Variants in ATG13 observed in about 807,000 individuals in gnomAD.
ATG13 encodes the protein autophagy related 13, also known as autophagy-related protein 13.
A neutral mutation model predicts 65.5 loss-of-function variants in ATG13; 23 were observed. The ratio of observed to expected loss-of-function variants is 0.35; its 90% CI spans 0.25 to 0.50. ATG13 has a LOEUF of 0.50. ATG13 is among the 20% of genes least tolerant of loss of function. The pLI, the probability that ATG13 is intolerant of heterozygous loss-of-function variation, is 0.98. For missense variants in ATG13, 566 were observed against 677.0 expected (o/e 0.84, Z 1.82); for synonymous variants, 252 against 245.2 (o/e 1.03, Z -0.26).
chr11:46,672,705 C>T lies in ATG13; in HGVS notation c.*373C>T, dbSNP rs987452747. The T allele has an allele frequency of 3.7e-6, 5 of 1,362,552 alleles. No individual in the cohort carries two copies. The highest frequency in any genetic ancestry group is 2.5e-4 in the Middle Eastern group (1 of 4,062). 84.4% of individuals were successfully genotyped at this position (1,362,552 alleles called of 1,614,324 possible). ...TGCCTTGCAGCTGGCCCCTTCCCTG[C>T]CTGCTGTCACCATCCACTGTTTGAC... On this transcript the variant is annotated 3_prime_UTR_variant, in exon 19 of 19. Transcript: ENST00000683050.
intron 7 of ATG13, among the ~76,000 whole-genome samples, chr11:46,654,652 G>A (rs1398032800): frequency 6.6e-6 from 1 of 151,898 alleles, no homozygotes; most frequent in African/African-American, 2.4e-5. Flanking sequence ...AGCCCAGGAG[G>A]TTGAGGCTGC....
chr11:46,668,976 C>A, intron 17 of ATG13, 66 bp downstream of exon 17: 2 of 1,271,360 alleles, frequency 1.6e-6, no homozygotes, highest in Non-Finnish European at 2.3e-6. Context: ...GCATCTACTG[C>A]ACTTGATCCA....
chr11:46,668,241 T>A (rs1230827920), intron 15 of ATG13, among the ~76,000 whole-genome samples: 1 of 152,190 alleles, frequency 6.6e-6, no homozygotes, highest in Non-Finnish European at 1.5e-5. Flanking sequence ...ATTACTGCAT[T>A]ACTGTGGATC....
intron 18 of ATG13, among the ~76,000 whole-genome samples, chr11:46,671,808 A>T (rs2063793118): frequency 6.6e-6 from 1 of 152,222 alleles, no homozygotes; most frequent in African/African-American, 2.4e-5. Context: ...TCAGAATGTC[A>T]GTAGTATAGT....
In ATG13 at chr11:46,664,768, G is replaced by A. The variant is rs967267114; in HGVS notation, c.889-81G>A. ...GAGCCATTCCTTATCTCTCTACTGAGCCATCTTGTTTGTCACGCTCTGGGA... is the reference window on the plus strand; with the variant it reads ...GAGCCATTCCTTATCTCTCTACTGAACCATCTTGTTTGTCACGCTCTGGGA... On this transcript the variant is annotated intron_variant, in intron 12 of 18. Transcript: ENST00000683050. 2.2e-5 allele frequency: 28 copies of A among 1,274,962 alleles called. No individual in the cohort carries two copies. In the African/African-American group the frequency reaches 4.1e-4, roughly 19 times the overall value. The allele number at this position is 1,274,962 out of a possible 1,614,324, so 79.0% of individuals were successfully genotyped here. A position where few individuals can be genotyped will look rare whatever the true frequency, so the allele number is the denominator to read the frequency against.
At chr11:46,647,646 A>G (rs1040038331) in intron 5 of ATG13, among the ~76,000 whole-genome samples, 2 of 150,746 alleles carry the variant, frequency 1.3e-5, no homozygotes, top group Admixed American at 1.3e-4. Context: ...GTCATGGCTC[A>G]CTGCAGCCTC....
chr11:46,650,356 C>T (rs1248988141), intron 7 of ATG13, 39 bp downstream of exon 7: 1 of 1,590,238 alleles, frequency 6.3e-7, no homozygotes, highest in Non-Finnish European at 8.6e-7. Context: ...CACTCATCAA[C>T]CCCCTCACTT....
rs1170347743 is a variant in ATG13 at position 46,663,639 on chromosome 11, T to C, written c.790-358T>C. ...TTGCATCTGCAGTCAGACCTTTCTG[T>C]TGGAAGCTGCTGTCTGACTTCCTGT... On this transcript the variant is annotated intron_variant, in intron 11 of 18. Coordinates refer to ENST00000683050, the MANE Select transcript of ATG13 (RefSeq NM_001346311.2). 2.0e-5 allele frequency among the ~76,000 whole-genome samples: 3 copies of C among 152,324 alleles called. No homozygotes were observed. In the East Asian group the frequency reaches 5.8e-4, roughly 29 times the overall value.
intron 8 of ATG13, 173 bp from the exon 9 acceptor site, chr11:46,656,922 C>CATACAT: frequency 3.3e-6 from 2 of 615,230 alleles, no homozygotes; most frequent in Middle Eastern, 2.7e-4. Flanking sequence ...CACACATACA[C>CATACAT]GCACATACAC....
chr11:46,654,224 G>A (rs561377359), intron 7 of ATG13, among the ~76,000 whole-genome samples: 3 of 145,520 alleles, frequency 2.1e-5, no homozygotes, highest in Non-Finnish European at 3.0e-5. Context: ...CTTGAGCCCC[G>A]GAGTTTCAGA....
At chr11:46,655,149 C>A (rs2059770283) in intron 7 of ATG13, among the ~76,000 whole-genome samples, 2 of 151,942 alleles carry the variant, frequency 1.3e-5, no homozygotes, top group African/African-American at 4.8e-5. Context: ...CCTGTAATCC[C>A]AGCACTTTGG....
At chr11:46,628,990 G>A (rs991866936) in intron 1 of ATG13, among the ~76,000 whole-genome samples, 5 of 149,086 alleles carry the variant, frequency 3.4e-5, no homozygotes, top group South Asian at 4.2e-4. Flanking sequence ...AGGCTGGAGC[G>A]TGTGTGCAGT....
intron 2 of ATG13, among the ~76,000 whole-genome samples, chr11:46,636,284 G>A (rs1591647784): frequency 1.3e-5 from 2 of 152,066 alleles, no homozygotes; most frequent in South Asian, 2.1e-4. Flanking sequence ...AGGGCCAGGC[G>A]CAGTAGCTCA....
chr11:46,645,384 A>G lies in ATG13; in HGVS notation c.115A>G (p.Thr39Ala). The change falls in exon 4 of 19, where the codon ACT becomes GCT. Residue 39 changes from threonine (T) to alanine (A), a missense_variant. Around this residue, in one of 2 missense-constraint regions of ATG13, gnomAD observed 179 missense variants for 267.2 expected, o/e 0.67. Coordinates refer to ENST00000683050, the MANE Select transcript of ATG13 (RefSeq NM_001346311.2). The part of the protein sequence containing the change: ...VQARLGEKIC[T>A]RSSSSPTGSD... Reference sequence around the variant, plus strand: ...GGCTCGGCTTGGTGAAAAGATTTGCACTCGTTCATCATCTTCTCCAACGGG... The same window carrying G: ...GGCTCGGCTTGGTGAAAAGATTTGCGCTCGTTCATCATCTTCTCCAACGGG... 2.5e-6 allele frequency: 4 copies of G among 1,612,870 alleles called. No individual in the cohort carries two copies. Among genetic ancestry groups the G allele is most frequent in the Non-Finnish European group, 3.4e-6 (4 of 1,179,766 alleles).
chr11:46,663,945 CTTTTTTT>C (rs953835564), intron 11 of ATG13, 45 bp from the exon 12 acceptor site: 233 of 763,560 alleles, frequency 3.1e-4, no homozygotes, highest in African/African-American at 1.9e-3. Context: ...AGTCCCTTTT[CTTTTTTT>C]TTTTTTTTTT....
At chr11:46,622,232 C>T (rs1175531027) in intron 1 of ATG13, among the ~76,000 whole-genome samples, 1 of 150,728 alleles carries the variant, frequency 6.6e-6, no homozygotes, top group Non-Finnish European at 1.5e-5. Flanking sequence ...ATTCTCCCGC[C>T]TCAGCCTCCC....
At chr11:46,650,389 T>C (rs1271406892) in intron 7 of ATG13, 72 bp downstream of exon 7, 1 of 1,535,142 alleles carries the variant, frequency 6.5e-7, no homozygotes, top group African/African-American at 1.4e-5. Context: ...GGCATTTAGA[T>C]GTTCTGTGAT....
At position 46,659,458 on chromosome 11, in the gene ATG13, C is replaced by G. The variant is rs558899620; in HGVS notation, c.762C>G (p.Thr254=). The G allele has an allele frequency of 4.2e-5, 68 of 1,613,894 alleles. No individual in the cohort carries two copies. Among genetic ancestry groups the G allele is most frequent in the Non-Finnish European group, 5.2e-5 (61 of 1,179,894 alleles). ...SVEDSQEVCT[T]SFSTSPPSQC... ...AAGACTCTCAAGAAGTGTGTACCAC[C>G]TCTTTTTCCACCTCCCCACCATCCC... Residue 254 remains threonine (T), a synonymous_variant, in exon 11 of 19, where the codon ACC becomes ACG. Transcript: ENST00000683050.
intron 2 of ATG13, among the ~76,000 whole-genome samples, chr11:46,642,808 A>G (rs1035237717): frequency 5.8e-4 from 88 of 152,200 alleles, no homozygotes; most frequent in Non-Finnish European, 5.9e-5. Context: ...CCTCTCGTCA[A>G]AAGCCTTGGG....
Sources: gnomAD v4.1 joint callset for allele counts (sites outside exome capture counted in the v4.1 genomes callset) on GRCh38, gnomAD v4.1.1 for gene constraint, gnomAD v4.1.1 regional missense constraint, MANE v1.5 for transcripts, NCBI Gene and HGNC (gene_info 2026-07-23, HGNC 2026-07-21) for gene names.